SLC4A7: variants seen among roughly 807,000 people sequenced by gnomAD.
SLC4A7 encodes sodium bicarbonate cotransporter 3.
Under a neutral mutation model 137.6 loss-of-function variants are expected in SLC4A7, and 51 were observed. The observed-to-expected ratio is 0.37, with a 90% confidence interval of 0.30 to 0.47. The LOEUF (loss-of-function observed/expected upper bound fraction) is 0.47, where lower values mean the gene tolerates loss of function less well. Ranked by LOEUF, SLC4A7 falls within the 20% of genes least tolerant of loss-of-function variation. The probability of loss-of-function intolerance (pLI) is 1.00; values close to 1 mark genes in which losing one functional copy is unlikely to be tolerated. For synonymous variants in SLC4A7, 542 were observed against 518.6 expected (o/e 1.05, Z -0.61); for missense variants, 1,247 against 1,525.4 (o/e 0.82, Z 3.04).
intron 6 of SLC4A7, 152 bp from the exon 7 acceptor site, chr3:27,431,821 T>C: frequency 2.8e-6 from 2 of 705,534 alleles, no homozygotes; most frequent in Middle Eastern, 4.2e-4. Flanking sequence ...AATCGGGTTT[T>C]TACATGTTAG....
chr3:27,409,569 G>C (rs1004268026), intron 12 of SLC4A7, 39 bp from the exon 13 acceptor site: 1 of 1,535,038 alleles, frequency 6.5e-7, no homozygotes, highest in Non-Finnish European at 8.8e-7. Context: ...CTGTACACTA[G>C]AGGATTCTAG....
At position 27,448,731 on chromosome 3, in the gene SLC4A7, T is replaced by C. The variant is rs2057856443; in HGVS notation, c.209A>G (p.His70Arg). 1.2e-6 allele frequency: 2 copies of C among 1,613,212 alleles called. No homozygotes were observed. Among genetic ancestry groups the C allele is most frequent in the Non-Finnish European group, 1.7e-6 (2 of 1,179,244 alleles). Reference sequence around the variant, plus strand: ...CCGGTGGTGATGTTTGTGTCCGCGATGCCTATGACGCCGACGACTCTCTTT... The same window carrying C: ...CCGGTGGTGATGTTTGTGTCCGCGACGCCTATGACGCCGACGACTCTCTTT... ...FSKESRRRHR[H>R]RGHKHHHRRR... is the part of the protein sequence containing the mutation. Residue 70 changes from histidine to arginine, a missense_variant, in exon 3 of 26, where the codon CAT becomes CGT. Coordinates refer to ENST00000454389, the MANE Select transcript of SLC4A7 (RefSeq NM_001321103.2).
intron 8 of SLC4A7, chr3:27,422,643 T>G (rs2055105622): frequency 2.9e-6 from 1 of 345,990 alleles, no homozygotes; most frequent in African/African-American, 2.1e-5. Context: ...ATAGTAAAAT[T>G]TAGCTTTCTG....
rs192275070 is a variant in SLC4A7 at position 27,447,513 on chromosome 3, T to C, written c.289+1138A>G. ...AACCGCCTATAGGATGTGGCTCACA[T>C]AGCACATAGCTCTCTTTGCTAGAAA... On this transcript the variant is annotated intron_variant, in intron 3 of 25. Coordinates refer to ENST00000454389, the MANE Select transcript of SLC4A7 (RefSeq NM_001321103.2). Among the ~76,000 whole-genome samples the C allele has an allele frequency of 2.3e-4, 35 of 152,250 alleles. No individual in the cohort carries two copies. The South Asian group carries it at 5.0e-3, about 22-fold the overall frequency.
At chr3:27,471,544 G>A (rs2150705915) in intron 1 of SLC4A7, among the ~76,000 whole-genome samples, 1 of 152,272 alleles carries the variant, frequency 6.6e-6, no homozygotes, top group South Asian at 2.1e-4. Flanking sequence ...GGCTAATTCT[G>A]TATTTTTAGT....
intron 1 of SLC4A7, among the ~76,000 whole-genome samples, chr3:27,464,115 A>G (rs2150650956): frequency 6.6e-6 from 1 of 152,246 alleles, no homozygotes; most frequent in East Asian, 1.9e-4. Flanking sequence ...GGCGGAAGCT[A>G]GTGAGCCGAG....
At chr3:27,475,019 A>C (rs1379868077) in intron 1 of SLC4A7, among the ~76,000 whole-genome samples, 1 of 152,148 alleles carries the variant, frequency 6.6e-6, no homozygotes, top group African/African-American at 2.4e-5. Flanking sequence ...CCAAGGCAGG[A>C]CAATCGCTTG....
intron 16 of SLC4A7, among the ~76,000 whole-genome samples, chr3:27,398,602 G>T (rs1291314970): frequency 6.6e-6 from 1 of 152,034 alleles, no homozygotes; most frequent in Non-Finnish European, 1.5e-5. Flanking sequence ...ACAGTATTTT[G>T]CCAAGTCACT....
rs373367511 is a variant in SLC4A7, at chr3:27,387,512, A to G, written c.3361-1489T>C. 1.1e-4 allele frequency among the ~76,000 whole-genome samples: 17 copies of G among 152,292 alleles called. No individual in the cohort carries two copies. In the South Asian group the frequency reaches 3.5e-3, roughly 32 times the overall value. On this transcript the variant is annotated intron_variant, in intron 22 of 25. Transcript: ENST00000454389. ...ACATACATTCAGATAAAACTCCAGT[A>G]GAATCTGTACTTGGCACTATATTAC...
intron 1 of SLC4A7, among the ~76,000 whole-genome samples, chr3:27,479,500 C>A (rs1353494791): frequency 6.6e-6 from 1 of 152,052 alleles, no homozygotes; most frequent in African/African-American, 2.4e-5. Context: ...AGGAAAGAGT[C>A]ACTAATTTAG....
intron 18 of SLC4A7, among the ~76,000 whole-genome samples, chr3:27,395,989 A>T (rs892470700): frequency 1.3e-5 from 2 of 152,220 alleles, no homozygotes; most frequent in Non-Finnish European, 2.9e-5. Flanking sequence ...ATACTAATAC[A>T]TTTTGACAGT....
intron 1 of SLC4A7, among the ~76,000 whole-genome samples, chr3:27,453,078 G>C (rs2058183652): frequency 6.6e-6 from 1 of 152,132 alleles, no homozygotes; most frequent in Non-Finnish European, 1.5e-5. Flanking sequence ...TCTAGCTGCA[G>C]TTGTGAAAAT....
At chr3:27,417,046 A>G (rs2054458748) in intron 11 of SLC4A7, among the ~76,000 whole-genome samples, 1 of 152,244 alleles carries the variant, frequency 6.6e-6, no homozygotes, top group African/African-American at 2.4e-5. Context: ...AACAAGAGTA[A>G]GAAAGAGAGC....
rs868029686 is a variant in SLC4A7, at chr3:27,379,473, A to C, written c.3591-117T>G. On this transcript the variant is annotated intron_variant, in intron 24 of 25. Coordinates refer to ENST00000454389, the MANE Select transcript of SLC4A7 (RefSeq NM_001321103.2). ...GAGAAAACCTTTGCCAGATATCAGAATTTGAATTCTGTTACAAAGTCCTTA... is the reference window on the plus strand; with the variant it reads ...GAGAAAACCTTTGCCAGATATCAGACTTTGAATTCTGTTACAAAGTCCTTA... The C allele has an allele frequency of 5.2e-6, 3 of 579,280 alleles. No individual in the cohort carries two copies. The East Asian group carries it at 8.5e-5, about 16-fold the overall frequency. The allele number at this position is 579,280 out of a possible 1,614,324, so 35.9% of individuals were successfully genotyped here. A position where few individuals can be genotyped will look rare whatever the true frequency, so the allele number is the denominator to read the frequency against.
intron 22 of SLC4A7, 140 bp from the exon 23 acceptor site, chr3:27,386,163 G>T (rs912064439): frequency 6.0e-6 from 3 of 502,340 alleles, no homozygotes; most frequent in South Asian, 4.0e-5. Context: ...TTGTTTCAAA[G>T]GAATTGAGTC....
intron 1 of SLC4A7, among the ~76,000 whole-genome samples, chr3:27,483,853 G>A (rs1204419255): frequency 2.0e-5 from 3 of 151,362 alleles, no homozygotes; most frequent in Admixed American, 6.6e-5. Context: ...GCCCCGACTC[G>A]GGCCTCCCGA....
In SLC4A7 at chr3:27,394,046, T is replaced by A. The variant is rs956185885; in HGVS notation, c.3117+472A>T. Among the ~76,000 whole-genome samples the A allele has an allele frequency of 7.2e-5, 11 of 152,154 alleles. No individual in the cohort carries two copies. In the East Asian group the frequency reaches 2.1e-3, roughly 29 times the overall value. ...ATTTTTTTTGTTTTTTGAGACAGGA[T>A]CTCACTTTGTCACCCAGGTTGGAGT... is the stretch of plus-strand genomic sequence containing the variant. On this transcript the variant is annotated intron_variant, in intron 20 of 25. Coordinates refer to ENST00000454389, the MANE Select transcript of SLC4A7 (RefSeq NM_001321103.2).
intron 15 of SLC4A7, among the ~76,000 whole-genome samples, chr3:27,402,036 C>T (rs766592733): frequency 1.3e-5 from 2 of 152,024 alleles, no homozygotes; most frequent in Non-Finnish European, 2.9e-5. Flanking sequence ...GGAAAGGCAG[C>T]GGGGGAAGAA....
intron 3 of SLC4A7, among the ~76,000 whole-genome samples, chr3:27,442,850 G>C (rs536744196): frequency 2.0e-5 from 3 of 151,866 alleles, no homozygotes; most frequent in African/African-American, 7.2e-5. Context: ...CTGAATTCCT[G>C]GTTACTATCC....
Sources: allele counts gnomAD v4.1 joint callset (sites outside exome capture counted in the v4.1 genomes callset), GRCh38; gene constraint gnomAD v4.1.1; transcripts MANE v1.5; gene names NCBI Gene and HGNC (gene_info 2026-07-23, HGNC 2026-07-21).